The following GRK3 variants were observed in gnomAD, a reference collection of about 807,000 sequenced individuals.
GRK3 encodes the protein G protein-coupled receptor kinase 3, also known as adrenergic, beta, receptor kinase 2.
Under a neutral mutation model 95.7 loss-of-function variants are expected in GRK3, and 54 were observed. The ratio of observed to expected loss-of-function variants is 0.56; its 90% CI spans 0.45 to 0.71. The LOEUF is 0.71. GRK3 is among the 30% of genes least tolerant of loss of function. GRK3 has a pLI of 0.00. For synonymous variants in GRK3, 281 were observed against 290.8 expected (o/e 0.97, Z 0.34); for missense variants, 649 against 851.2 (o/e 0.76, Z 2.96).
intron 10 of GRK3, among the ~76,000 whole-genome samples, chr22:25,686,240 A>G (rs1459388614): frequency 6.6e-6 from 1 of 151,628 alleles, no homozygotes; most frequent in East Asian, 1.9e-4. Context: ...AAAACAAAAA[A>G]CAGATCTACC....
intron 2 of GRK3, among the ~76,000 whole-genome samples, chr22:25,631,102 T>C (rs1601487568): frequency 6.6e-6 from 1 of 152,354 alleles, no homozygotes; most frequent in Admixed American, 6.5e-5. Context: ...GAATTGTTAA[T>C]TGGGAATGTA....
chr22:25,596,963 C>T (rs1412342531), intron 1 of GRK3, among the ~76,000 whole-genome samples: 1 of 152,168 alleles, frequency 6.6e-6, no homozygotes. Context: ...ACTGTGAGTT[C>T]CTTCCCCATT....
At chr22:25,587,840 A>G (rs1026398037) in intron 1 of GRK3, among the ~76,000 whole-genome samples, 2 of 152,224 alleles carry the variant, frequency 1.3e-5, no homozygotes, top group Non-Finnish European at 2.9e-5. Context: ...GCCTGCTGCT[A>G]TGTAAGACGT....
chr22:25,584,547 A>G (rs1056715489), intron 1 of GRK3, among the ~76,000 whole-genome samples: 1 of 152,288 alleles, frequency 6.6e-6, no homozygotes, highest in Non-Finnish European at 1.5e-5. Context: ...GAACATTCTC[A>G]ATGTAAGAGA....
Position 25,725,712 on chromosome 22 carries a change from C to A in GRK3, c.*3262C>A. On this transcript the variant is annotated 3_prime_UTR_variant, in exon 21 of 21. Coordinates refer to ENST00000324198, the MANE Select transcript of GRK3 (RefSeq NM_005160.4). ...CTATAATCCCAGCACTTTGGGAGGC[C>A]GAGAGGGGCGGTTCACGAGGTCAGG... The A allele has an allele frequency of 5.0e-6, 2 of 398,118 alleles. No homozygotes were observed. The highest frequency in any genetic ancestry group is 2.6e-4 in the South Asian group (2 of 7,652). The allele number at this position is 398,118 out of a possible 1,614,324, so 24.7% of individuals were successfully genotyped here.
At chr22:25,663,479 T>C (rs1306870135) in intron 4 of GRK3, 151 bp from the exon 5 acceptor site, 2 of 566,262 alleles carry the variant, frequency 3.5e-6, no homozygotes, top group Admixed American at 3.5e-5. Context: ...CTATAAATAC[T>C]CAACAGATTT....
chr22:25,700,208 T>C (rs1339935441), intron 13 of GRK3, among the ~76,000 whole-genome samples: 1 of 152,258 alleles, frequency 6.6e-6, no homozygotes, highest in East Asian at 1.9e-4. Context: ...GCCGCTCATA[T>C]GTGCTATCTT....
intron 1 of GRK3, among the ~76,000 whole-genome samples, chr22:25,577,203 C>T (rs1220398893): frequency 4.0e-5 from 6 of 150,922 alleles, no homozygotes; most frequent in South Asian, 2.1e-4. Context: ...GAGACAGTCT[C>T]GCTCTCTTGC....
At chr22:25,586,947 C>T (rs1226931465) in intron 1 of GRK3, among the ~76,000 whole-genome samples, 8 of 150,612 alleles carry the variant, frequency 5.3e-5, no homozygotes, top group East Asian at 3.9e-4. Context: ...GTGCATGGCA[C>T]GATCTCAGCT....
intron 7 of GRK3, 136 bp from the exon 8 acceptor site, chr22:25,674,301 G>T: frequency 1.6e-6 from 1 of 622,496 alleles, no homozygotes; most frequent in South Asian, 2.5e-5. Context: ...TCAGCTTAAA[G>T]ACTCAGTCAT....
chr22:25,716,672 T>C (rs59423071), intron 18 of GRK3, among the ~76,000 whole-genome samples: 26,654 of 152,084 alleles, frequency 0.18, 5,399 homozygotes, highest in African/African-American at 0.5. Context: ...TCTGCATCTG[T>C]GGATTCGACC....
In GRK3 at chr22:25,699,429, G is replaced by A. The variant is rs147774975; in HGVS notation, c.1161-4081G>A. On this transcript the variant is annotated intron_variant, in intron 13 of 20. Coordinates refer to ENST00000324198, the MANE Select transcript of GRK3 (RefSeq NM_005160.4). ...GGGGGACACTGGGCAATGGCTGGAG[G>A]CATTCTTGGTCATCATAACTTGGGA... Among the ~76,000 whole-genome samples, 171 of 152,182 alleles carry A rather than the reference G, an allele frequency of 1.1e-3. 1 individual carries two copies. The highest frequency in any genetic ancestry group is 3.6e-3 in the African/African-American group (151 of 41,522).
At chr22:25,623,993 T>C (rs1569168384) in intron 2 of GRK3, among the ~76,000 whole-genome samples, 1 of 152,226 alleles carries the variant, frequency 6.6e-6, no homozygotes, top group Admixed American at 6.5e-5. Flanking sequence ...TTTCCTGTTA[T>C]CCGGCAGTCT....
intron 15 of GRK3, among the ~76,000 whole-genome samples, chr22:25,704,976 T>G (rs1317686670): frequency 6.6e-6 from 1 of 152,150 alleles, no homozygotes; most frequent in East Asian, 1.9e-4. Flanking sequence ...CCTGTATCTC[T>G]TCTCCCCCAG....
At chr22:25,697,323 G>A (rs1312298984) in intron 13 of GRK3, among the ~76,000 whole-genome samples, 1 of 152,228 alleles carries the variant, frequency 6.6e-6, no homozygotes, top group African/African-American at 2.4e-5. Flanking sequence ...AGTGTGGTTT[G>A]TGGCTAATAA....
At chr22:25,655,454 A>G (rs966913960) in intron 3 of GRK3, among the ~76,000 whole-genome samples, 12 of 152,042 alleles carry the variant, frequency 7.9e-5, no homozygotes, top group African/African-American at 2.9e-4. Context: ...CAATATGGAA[A>G]ATTTCTACAT....
intron 12 of GRK3, among the ~76,000 whole-genome samples, chr22:25,694,673 C>T (rs1289521814): frequency 6.6e-6 from 1 of 152,140 alleles, no homozygotes; most frequent in African/African-American, 2.4e-5. Flanking sequence ...ATTGGTGGCA[C>T]CACACAGGGG....
chr22:25,592,570 T>A (rs949932168), intron 1 of GRK3, among the ~76,000 whole-genome samples: 4 of 152,300 alleles, frequency 2.6e-5, no homozygotes, highest in Non-Finnish European at 5.9e-5. Flanking sequence ...AGTTTTTTTT[T>A]ATATTTTCTT....
intron 1 of GRK3, among the ~76,000 whole-genome samples, chr22:25,589,816 G>T (rs1932434934): frequency 1.3e-5 from 2 of 152,176 alleles, no homozygotes; most frequent in African/African-American, 4.8e-5. Flanking sequence ...CCACATGGCT[G>T]GGGAGGCCTC....
Sources: allele counts gnomAD v4.1 joint callset (sites outside exome capture counted in the v4.1 genomes callset), GRCh38; gene constraint gnomAD v4.1.1; transcripts MANE v1.5; gene names NCBI Gene and HGNC (gene_info 2026-07-23, HGNC 2026-07-21).